Variants in KCNG3 observed in about 807,000 individuals in gnomAD.
The protein encoded by KCNG3 is potassium voltage-gated channel modifier subfamily G member 3, also known as voltage-gated potassium channel regulatory subunit KCNG3.
KCNG3 carries 15 observed loss-of-function variants against 29.0 expected under a neutral mutation model. The ratio of observed to expected loss-of-function variants is 0.52; its 90% CI spans 0.35 to 0.80. The LOEUF is 0.80. Ranked by LOEUF, KCNG3 falls within the 30% of genes least tolerant of loss-of-function variation. KCNG3 has a pLI of 0.01. For synonymous variants in KCNG3, 322 were observed against 248.9 expected (o/e 1.29, Z -2.76); for missense variants, 512 against 605.7 (o/e 0.85, Z 1.62).
At chr2:42,397,393 G>A in the KCNG3 span, among the ~76,000 whole-genome samples, 2 of 152,316 alleles carry the variant, frequency 1.3e-5, no homozygotes, top group African/African-American at 4.8e-5. Context: ...GTAAGTACCT[G>A]AAAGACACAC....
the KCNG3 span, among the ~76,000 whole-genome samples, chr2:42,405,505 C>G: frequency 6.6e-6 from 1 of 151,312 alleles, no homozygotes; most frequent in East Asian, 1.9e-4. Flanking sequence ...GTGGCGTGAT[C>G]TCAGCTCACT....
the KCNG3 span, among the ~76,000 whole-genome samples, chr2:42,400,023 C>T: frequency 2.0e-5 from 3 of 152,134 alleles, no homozygotes; most frequent in East Asian, 1.9e-4. Context: ...AAGAGAGGAT[C>T]GCTTGAGCCT....
chr2:42,431,242 T>G, the KCNG3 span, among the ~76,000 whole-genome samples: 42 of 152,300 alleles, frequency 2.8e-4, no homozygotes, highest in Middle Eastern at 3.4e-3. Flanking sequence ...TTCCTAAGAA[T>G]AGCTGTTATG....
At chr2:42,431,456 T>C in the KCNG3 span, among the ~76,000 whole-genome samples, 1 of 152,190 alleles carries the variant, frequency 6.6e-6, no homozygotes. Flanking sequence ...AAGATTTATT[T>C]AAAATGTAGC....
intron 1 of KCNG3, among the ~76,000 whole-genome samples, chr2:42,450,551 C>A (rs1450268112): frequency 6.6e-6 from 1 of 152,216 alleles, no homozygotes; most frequent in Non-Finnish European, 1.5e-5. Context: ...ACTAAAGATA[C>A]ATCACATTCC....
chr2:42,448,124 CAT>C (rs1414697044), intron 1 of KCNG3, among the ~76,000 whole-genome samples: 2 of 152,170 alleles, frequency 1.3e-5, no homozygotes, highest in Admixed American at 6.5e-5. Context: ...CATCTTTGCA[CAT>C]GTTTAACGGC....
the KCNG3 span, among the ~76,000 whole-genome samples, chr2:42,391,445 T>A: frequency 6.6e-6 from 1 of 152,180 alleles, no homozygotes; most frequent in Admixed American, 6.5e-5. Flanking sequence ...TACAGCCAGT[T>A]TGGGGACCAA....
chr2:42,455,888 G>C (rs1231382030), intron 1 of KCNG3, among the ~76,000 whole-genome samples: 1 of 150,384 alleles, frequency 6.6e-6, no homozygotes, highest in African/African-American at 2.4e-5. Flanking sequence ...GGCCAACACA[G>C]AAAACCACCT....
Position 42,493,083 on chromosome 2 carries a change from G to A in KCNG3, c.419C>T (p.Ala140Val), listed in dbSNP as rs564466098. The A allele has an allele frequency of 1.3e-6, 2 of 1,559,520 alleles. No homozygotes were observed. The highest frequency in any genetic ancestry group is 1.2e-5 in the South Asian group (1 of 85,814). ...AGCCGCCTCGGCCCCGCCGGGGCGC[G>A]CCTCGTCGCGGCCCAGCACGCCCGG... ...DEPGVLGRDE[A>V]RPGGAEAAPS... The change falls in exon 1 of 2, where the codon GCG (alanine) becomes GTG (valine). Residue 140 changes from alanine to valine, a missense_variant. Coordinates refer to ENST00000306078, the MANE Select transcript of KCNG3 (RefSeq NM_133329.6).
chr2:42,480,921 C>T (rs532737200), intron 1 of KCNG3, among the ~76,000 whole-genome samples: 3 of 152,044 alleles, frequency 2.0e-5, no homozygotes, highest in Non-Finnish European at 4.4e-5. Flanking sequence ...GCTGGGATTA[C>T]AGGCATGCAC....
chr2:42,432,372 T>C, the KCNG3 span, among the ~76,000 whole-genome samples: 1 of 152,226 alleles, frequency 6.6e-6, no homozygotes, highest in Non-Finnish European at 1.5e-5. Flanking sequence ...GTAAGTACTA[T>C]GGAAAGATAG....
intron 1 of KCNG3, among the ~76,000 whole-genome samples, chr2:42,471,155 A>AGTGTGTGTGT (rs565717729): frequency 0.043 from 5,899 of 137,452 alleles, 130 homozygotes; most frequent in Middle Eastern, 0.11. Flanking sequence ...GTCTCAAAAA[A>AGTGTGTGTGT]GTGTGTGTGT....
chr2:42,481,251 T>C (rs1409059533), intron 1 of KCNG3, among the ~76,000 whole-genome samples: 2 of 152,172 alleles, frequency 1.3e-5, no homozygotes, highest in Non-Finnish European at 2.9e-5. Context: ...AGAGGCTCAC[T>C]TGGCTGATTA....
chr2:42,430,042 A>G, the KCNG3 span, among the ~76,000 whole-genome samples: 8 of 152,186 alleles, frequency 5.3e-5, no homozygotes, highest in South Asian at 1.7e-3. Flanking sequence ...GCTGGCTACA[A>G]TTTTTTTCTC....
the KCNG3 span, among the ~76,000 whole-genome samples, chr2:42,392,333 G>T: frequency 6.6e-6 from 1 of 152,046 alleles, no homozygotes; most frequent in Non-Finnish European, 1.5e-5. Flanking sequence ...CCCTTTGCTT[G>T]TTGCACTACT....
the KCNG3 span, among the ~76,000 whole-genome samples, chr2:42,396,077 A>G: frequency 1.3e-5 from 2 of 152,220 alleles, no homozygotes; most frequent in Non-Finnish European, 2.9e-5. Flanking sequence ...ATCTTATACA[A>G]AGCCTATTTT....
chr2:42,436,058 G>C, the KCNG3 span, among the ~76,000 whole-genome samples: 1 of 152,210 alleles, frequency 6.6e-6, no homozygotes, highest in Non-Finnish European at 1.5e-5. Context: ...GTCGTAAAAA[G>C]GAATGATGTA....
At chr2:42,409,965 A>G in the KCNG3 span, among the ~76,000 whole-genome samples, 1 of 152,000 alleles carries the variant, frequency 6.6e-6, no homozygotes, top group Admixed American at 6.6e-5. Flanking sequence ...TACACCACTC[A>G]ATTTTTGGGC....
the KCNG3 span, among the ~76,000 whole-genome samples, chr2:42,413,066 C>A: frequency 1.1e-4 from 16 of 152,142 alleles, no homozygotes; most frequent in Non-Finnish European, 2.1e-4. Flanking sequence ...ATCCCCAGGG[C>A]TCAACTCCTG....
Sources: allele counts gnomAD v4.1 joint callset (sites outside exome capture counted in the v4.1 genomes callset), GRCh38; gene constraint gnomAD v4.1.1; transcripts MANE v1.5; gene names NCBI Gene and HGNC (gene_info 2026-07-23, HGNC 2026-07-21).